TARBP1: variants seen among roughly 807,000 people sequenced by gnomAD.
TARBP1 encodes the protein tRNA (guanosine(18)-2'-O)-methyltransferase TARBP1.
Under a neutral mutation model 178.6 loss-of-function variants are expected in TARBP1, and 144 were observed. The observed-to-expected ratio is 0.81, with a 90% confidence interval of 0.70 to 0.93. TARBP1 has a LOEUF of 0.93. Among genes scored for constraint, TARBP1 ranks in the 40% least tolerant of loss-of-function variants. TARBP1 has a pLI of 0.00. For synonymous variants in TARBP1, 787 were observed against 781.0 expected (o/e 1.01, Z -0.13); for missense variants, 2,067 against 2,011.7 (o/e 1.03, Z -0.53).
At chr1:234,477,703 T>C (rs1365651654) in intron 1 of TARBP1, among the ~76,000 whole-genome samples, 5 of 152,264 alleles carry the variant, frequency 3.3e-5, no homozygotes, top group Non-Finnish European at 5.9e-5. Context: ...CTGTTCCTAA[T>C]TACCAGGGGA....
intron 9 of TARBP1, among the ~76,000 whole-genome samples, chr1:234,452,412 A>G (rs1485047355): frequency 6.6e-6 from 1 of 152,236 alleles, no homozygotes; most frequent in Admixed American, 6.5e-5. Flanking sequence ...AAAATGTGCA[A>G]AAGAACTGGA....
At chr1:234,424,223 C>G (rs548304420) in intron 20 of TARBP1, among the ~76,000 whole-genome samples, 1 of 152,176 alleles carries the variant, frequency 6.6e-6, no homozygotes, top group Non-Finnish European at 1.5e-5. Flanking sequence ...CCAGGCACTC[C>G]GCTGACCTCG....
intron 22 of TARBP1, among the ~76,000 whole-genome samples, chr1:234,413,475 A>AAAAACAAAAC (rs71576421): frequency 2.0e-5 from 3 of 151,672 alleles, no homozygotes; most frequent in African/African-American, 7.3e-5. Flanking sequence ...ACTCCATTGC[A>AAAAACAAAAC]AAAACAAAAC....
intron 5 of TARBP1, among the ~76,000 whole-genome samples, chr1:234,464,291 T>C (rs555373530): frequency 6.6e-6 from 1 of 152,250 alleles, no homozygotes; most frequent in Non-Finnish European, 1.5e-5. Flanking sequence ...TGTAATCCAA[T>C]GACTTTAAAT....
In TARBP1 at chr1:234,451,098, G is replaced by C. The variant is rs72765603; in HGVS notation, c.1723-532C>G. 1.8e-4 allele frequency among the ~76,000 whole-genome samples: 27 copies of C among 152,184 alleles called. No homozygotes were observed. The East Asian group carries it at 3.1e-3, about 17-fold the overall frequency. On this transcript the variant is annotated intron_variant, in intron 9 of 29. Coordinates refer to ENST00000040877, the MANE Select transcript of TARBP1 (RefSeq NM_005646.4). ...CTCACAAGTTTATTTTCTATCATAC[G>C]TGCATATTAAAATACTGCATATTAA... is the stretch of plus-strand genomic sequence containing the variant.
rs1045002225 is a variant in TARBP1 at position 234,391,714 on chromosome 1, T to A, written c.4729A>T (p.Ile1577Phe). 5 of 1,613,476 alleles carry A rather than the reference T, an allele frequency of 3.1e-6. No individual in the cohort carries two copies. Among genetic ancestry groups the A allele is most frequent in the Non-Finnish European group, 3.4e-6 (4 of 1,179,932 alleles). The stretch of plus-strand genomic sequence containing the variant: ...TCCACACAAACGTCCAACTGTTGGA[T>A]CAGATTTGCTGGAATTCCCTCACGT... The part of the protein sequence containing the change: ...NEREGIPANL[I>F]QQLDVCVEIP... The change falls in exon 30 of 30, where the codon ATC becomes TTC. Residue 1577 changes from isoleucine to phenylalanine, a missense_variant. Ile to Phe is a conservative substitution (Grantham distance 21, BLOSUM62 0). Coordinates refer to ENST00000040877, the MANE Select transcript of TARBP1 (RefSeq NM_005646.4).
At chr1:234,431,586 C>T (rs185761873) in intron 14 of TARBP1, among the ~76,000 whole-genome samples, 9 of 152,306 alleles carry the variant, frequency 5.9e-5, no homozygotes, top group East Asian at 5.8e-4. Context: ...TAAACACTTA[C>T]CACATGTTAA....
At chr1:234,453,384 C>T (rs1441410719) in intron 9 of TARBP1, among the ~76,000 whole-genome samples, 2 of 147,794 alleles carry the variant, frequency 1.4e-5, no homozygotes, top group Non-Finnish European at 3.0e-5. Flanking sequence ...GAGACAGGGT[C>T]TCGCTATGTT....
chr1:234,451,117 A>G (rs74147471), intron 9 of TARBP1, among the ~76,000 whole-genome samples: 1,556 of 152,318 alleles, frequency 0.01, 29 homozygotes, highest in African/African-American at 0.035. Context: ...AAAATACTGC[A>G]TATTAATTTA....
Position 234,478,864 on chromosome 1 carries a change from G to A in TARBP1, c.240C>T (p.Pro80=), listed in dbSNP as rs1669849836. The change falls in exon 1 of 30, where the codon CCC becomes CCT. Residue 80 remains proline (P), a synonymous_variant. Transcript: ENST00000040877. ...GCAGACTGGGGTCCGGGCCGCCCGCGGGGCGTCCGCGCAGGCTCCGCAGCA... is the reference window on the plus strand; with the variant it reads ...GCAGACTGGGGTCCGGGCCGCCCGCAGGGCGTCCGCGCAGGCTCCGCAGCA... ...VPLLRSLRGR[P]AGGPDPSLQP... is the part of the protein sequence containing the mutation. 1 of 1,279,366 alleles carries A rather than the reference G, an allele frequency of 7.8e-7. No individual in the cohort carries two copies. The allele number at this position is 1,279,366 out of a possible 1,614,324, so 79.3% of individuals were successfully genotyped here. A position where few individuals can be genotyped will look rare whatever the true frequency, so the allele number is the denominator to read the frequency against.
At chr1:234,451,748 C>CAAAAAAAAAAAAAAA (rs766485621) in intron 9 of TARBP1, among the ~76,000 whole-genome samples, 1 of 6,620 alleles carries the variant, frequency 1.5e-4, no homozygotes, top group Non-Finnish European at 2.2e-4. Flanking sequence ...GACTCCGTCT[C>CAAAAAAAAAAAAAAA]AAAAAAAAAA....
At chr1:234,476,593 A>T (rs918605237) in intron 1 of TARBP1, among the ~76,000 whole-genome samples, 1 of 152,234 alleles carries the variant, frequency 6.6e-6, no homozygotes, top group African/African-American at 2.4e-5. Flanking sequence ...GAAAGAACCG[A>T]ACACATTTTA....
intron 1 of TARBP1, among the ~76,000 whole-genome samples, chr1:234,476,957 G>A (rs377735985): frequency 3.3e-5 from 5 of 152,306 alleles, no homozygotes; most frequent in African/African-American, 7.2e-5. Flanking sequence ...AGGCCAAGGC[G>A]GGCAGATCAC....
chr1:234,443,169 A>T (rs1665768571), intron 12 of TARBP1, among the ~76,000 whole-genome samples: 2 of 151,990 alleles, frequency 1.3e-5, no homozygotes, highest in Non-Finnish European at 2.9e-5. Context: ...GCATGCCTGT[A>T]ATCTCAGCTA....
chr1:234,406,163 G>T, intron 23 of TARBP1, 64 bp from the exon 24 acceptor site: 2 of 1,469,064 alleles, frequency 1.4e-6, no homozygotes, highest in South Asian at 2.5e-5. Context: ...TCACTTGTAT[G>T]ACACAAAAAA....
rs760105945 is a variant in TARBP1, at chr1:234,433,424, T to A, written c.2380A>T (p.Met794Leu). The A allele has an allele frequency of 1.1e-5, 18 of 1,613,934 alleles. No homozygotes were observed. The highest frequency in any genetic ancestry group is 1.4e-5 in the Non-Finnish European group (16 of 1,179,980). The change falls in exon 14 of 30, where the codon ATG (methionine) becomes TTG (leucine). Residue 794 changes from methionine (M) to leucine (L), a missense_variant. Coordinates refer to ENST00000040877, the MANE Select transcript of TARBP1 (RefSeq NM_005646.4). Reference sequence around the variant, plus strand: ...AAGAGGCTTACCTGTCCACTGTCCATCTCTTGAAGATGCTGAATGGATGCA... The same window carrying A: ...AAGAGGCTTACCTGTCCACTGTCCAACTCTTGAAGATGCTGAATGGATGCA... ...KNASIQHLQE[M>L]DSGQEPTVGS...
chr1:234,467,442 T>C lies in TARBP1; in HGVS notation c.1248+60A>G, dbSNP rs936514850. ...GTTACTTGCTGATACAGAATCCTAG[T>C]GTATTTTTACCTCTCGCCTTTCAAC... On this transcript the variant is annotated intron_variant, in intron 4 of 29. Transcript: ENST00000040877. 3.6e-6 allele frequency: 5 copies of C among 1,407,546 alleles called. No homozygotes were observed. In the South Asian group the frequency reaches 4.9e-5, roughly 14 times the overall value. 87.2% of individuals were successfully genotyped at this position (1,407,546 alleles called of 1,614,324 possible). A position where few individuals can be genotyped will look rare whatever the true frequency, so the allele number is the denominator to read the frequency against.
chr1:234,478,172 C>T lies in TARBP1; in HGVS notation c.931+1G>A. ...AGGCTGGGGGGCAAAGAGGCAGGTA[C>T]CGTTTCCTTCCTGGGGCCCGCAGGT... On this transcript the variant is annotated splice_donor_variant, in intron 1 of 29. Coordinates refer to ENST00000040877, the MANE Select transcript of TARBP1 (RefSeq NM_005646.4). LOFTEE classifies it high-confidence loss of function. 3 of 1,611,534 alleles carry T rather than the reference C, an allele frequency of 1.9e-6. No individual in the cohort carries two copies. Among genetic ancestry groups the T allele is most frequent in the Non-Finnish European group, 2.5e-6 (3 of 1,179,352 alleles).
chr1:234,425,536 A>G lies in TARBP1; in HGVS notation c.3444+137T>C, dbSNP rs555626148. ...TGTGACCAGCCCTAATCAAGACTGAATTAAAAATACAGAACATAAACTTTG... is the reference window on the plus strand; with the variant it reads ...TGTGACCAGCCCTAATCAAGACTGAGTTAAAAATACAGAACATAAACTTTG... On this transcript the variant is annotated intron_variant, in intron 20 of 29. Transcript: ENST00000040877. 163 of 977,022 alleles carry G rather than the reference A, an allele frequency of 1.7e-4. 1 individual carries two copies. The African/African-American group carries it at 2.6e-3, about 16-fold the overall frequency. 60.5% of individuals were successfully genotyped at this position (977,022 alleles called of 1,614,324 possible).
Sources: allele counts gnomAD v4.1 joint callset (sites outside exome capture counted in the v4.1 genomes callset), GRCh38; gene constraint gnomAD v4.1.1; transcripts MANE v1.5; gene names NCBI Gene and HGNC (gene_info 2026-07-23, HGNC 2026-07-21).